ANO2: variants seen among roughly 807,000 people sequenced by gnomAD.
The protein encoded by ANO2 is anoctamin 2, also known as anoctamin-2.
A neutral mutation model predicts 124.2 loss-of-function variants in ANO2; 101 were observed. That is an observed-to-expected ratio of 0.81 (90% CI 0.69 to 0.96). ANO2 has a LOEUF of 0.96. ANO2 is among the 40% of genes least tolerant of loss of function. The pLI, the probability that ANO2 is intolerant of heterozygous loss-of-function variation, is 0.00. For missense variants in ANO2, 1,293 were observed against 1,274.5 expected (o/e 1.01, Z -0.22); for synonymous variants, 486 against 482.5 (o/e 1.01, Z -0.09).
At chr12:5,702,606 A>G (rs1298287112) in intron 14 of ANO2, among the ~76,000 whole-genome samples, 4 of 152,068 alleles carry the variant, frequency 2.6e-5, no homozygotes, top group African/African-American at 9.7e-5. Context: ...ACCGAAAACA[A>G]TGAAATTGAT....
At chr12:5,725,095 T>TCACA (rs752236358) in intron 14 of ANO2, among the ~76,000 whole-genome samples, 10 of 46,092 alleles carry the variant, frequency 2.2e-4, no homozygotes, top group East Asian at 9.2e-4. Context: ...CTTGTCTCCC[T>TCACA]CTCACACACA....
chr12:5,859,813 C>T (rs866401143), intron 3 of ANO2, among the ~76,000 whole-genome samples: 4 of 152,272 alleles, frequency 2.6e-5, no homozygotes, highest in African/African-American at 7.2e-5. Context: ...GAATTACAGA[C>T]GTGAGTCACC....
At chr12:5,566,418 G>A (rs1051652915) in intron 23 of ANO2, among the ~76,000 whole-genome samples, 3 of 152,140 alleles carry the variant, frequency 2.0e-5, no homozygotes, top group Non-Finnish European at 4.4e-5. Context: ...CCCCATCCCA[G>A]AATGATTCAT....
intron 5 of ANO2, among the ~76,000 whole-genome samples, chr12:5,830,878 A>G (rs989982559): frequency 6.6e-5 from 10 of 152,236 alleles, no homozygotes; most frequent in Non-Finnish European, 5.9e-5. Context: ...TTATATGATG[A>G]TAAGGTTCCA....
chr12:5,751,748 C>G (rs1438088692), intron 10 of ANO2, among the ~76,000 whole-genome samples: 6 of 152,176 alleles, frequency 3.9e-5, no homozygotes, highest in African/African-American at 1.4e-4. Context: ...AATGTGAGAT[C>G]TACCCTGTTA....
At chr12:5,596,256 C>T (rs1269974365) in intron 20 of ANO2, among the ~76,000 whole-genome samples, 3 of 152,054 alleles carry the variant, frequency 2.0e-5, no homozygotes, top group Non-Finnish European at 4.4e-5. Context: ...GGCAAGTGAA[C>T]TATGGCATGC....
At chr12:5,840,977 T>A (rs554172024) in intron 4 of ANO2, among the ~76,000 whole-genome samples, 1 of 151,222 alleles carries the variant, frequency 6.6e-6, no homozygotes, top group South Asian at 2.1e-4. Flanking sequence ...AGGAAAGGGG[T>A]GCAAGTCACC....
intron 14 of ANO2, among the ~76,000 whole-genome samples, chr12:5,676,058 T>C (rs1680033066): frequency 6.6e-6 from 1 of 152,190 alleles, no homozygotes; most frequent in African/African-American, 2.4e-5. Context: ...TTGTTCCCCT[T>C]CCTCATCTGG....
chr12:5,716,675 C>T (rs1199766654), intron 14 of ANO2, among the ~76,000 whole-genome samples: 1 of 152,150 alleles, frequency 6.6e-6, no homozygotes, highest in Non-Finnish European at 1.5e-5. Flanking sequence ...ATAGACCATG[C>T]ACCATTATAA....
chr12:5,657,061 G>A (rs1947195021), intron 14 of ANO2, among the ~76,000 whole-genome samples: 1 of 152,166 alleles, frequency 6.6e-6, no homozygotes, highest in Non-Finnish European at 1.5e-5. Context: ...GCCAGGACAG[G>A]GTTTCTGAAG....
chr12:5,581,353 G>A (rs1338558372), intron 20 of ANO2, among the ~76,000 whole-genome samples: 1 of 152,184 alleles, frequency 6.6e-6, no homozygotes, highest in Non-Finnish European at 1.5e-5. Flanking sequence ...CTGATGGGGA[G>A]GGAGAAGGGC....
intron 14 of ANO2, among the ~76,000 whole-genome samples, chr12:5,664,446 T>C (rs1425070360): frequency 6.6e-6 from 1 of 152,244 alleles, no homozygotes; most frequent in African/African-American, 2.4e-5. Flanking sequence ...GCTTACTATG[T>C]TACAGGCTCT....
Position 5,744,156 on chromosome 12 carries a change from C to G in ANO2, c.1351+1G>C. The G allele has an allele frequency of 6.2e-7, 1 of 1,613,258 alleles. No homozygotes were observed. Among genetic ancestry groups the G allele is most frequent in the Non-Finnish European group, 8.5e-7 (1 of 1,179,854 alleles). On this transcript the variant is annotated splice_donor_variant, in intron 12 of 24. Coordinates refer to ENST00000682330, the MANE Select transcript of ANO2 (RefSeq NM_001364791.2). LOFTEE classifies it high-confidence loss of function. The stretch of plus-strand genomic sequence containing the variant: ...AAGCAAGCCTGGTGATGGCCACATA[C>G]CCCACAGAGCCATGAAGATAGAGAA...
intron 10 of ANO2, among the ~76,000 whole-genome samples, chr12:5,771,531 G>C (rs983601421): frequency 4.6e-5 from 7 of 151,928 alleles, no homozygotes; most frequent in Non-Finnish European, 1.0e-4. Context: ...TGTAATCCCA[G>C]CACTTTGGGA....
rs1941675941 is a variant in ANO2 at position 5,921,163 on chromosome 12, A to G, written c.411T>C (p.Ala137=). Residue 137 remains alanine (A), a synonymous_variant, in exon 3 of 25, where the codon GCT becomes GCC. Transcript: ENST00000682330. ...SNGETGKEPH[A]GGPGDIELGP... is the part of the protein sequence containing the mutation. ...CCAGCTCAATGTCACCTGGGCCCCC[A>G]GCATGAGGCTCCTTGCCTGTCTCCC... 6.2e-7 allele frequency: 1 copy of G among 1,613,960 alleles called. No homozygotes were observed. Among genetic ancestry groups the G allele is most frequent in the South Asian group, 1.1e-5 (1 of 91,078 alleles).
intron 2 of ANO2, among the ~76,000 whole-genome samples, chr12:5,921,852 C>G (rs1029318514): frequency 6.6e-6 from 1 of 152,172 alleles, no homozygotes; most frequent in African/African-American, 2.4e-5. Context: ...CACACACCCC[C>G]TTCCACAGGC....
chr12:5,745,759 G>A (rs1376901244), intron 11 of ANO2, among the ~76,000 whole-genome samples: 1 of 152,108 alleles, frequency 6.6e-6, no homozygotes, highest in Non-Finnish European at 1.5e-5. Context: ...CCACTGACTC[G>A]CTGGCAAAGG....
intron 19 of ANO2, among the ~76,000 whole-genome samples, chr12:5,603,208 A>G (rs1013584324): frequency 6.6e-6 from 1 of 152,204 alleles, no homozygotes. Context: ...CCTAGAAATC[A>G]TCTCCAGGAA....
rs1316298395 is a variant in ANO2, at chr12:5,925,765, G to A, written c.23-2961C>T. Among the ~76,000 whole-genome samples the A allele has an allele frequency of 6.6e-6, 1 of 152,206 alleles. No individual in the cohort carries two copies. The highest frequency in any genetic ancestry group is 2.4e-5 in the African/African-American group (1 of 41,454). ...CGCTGCCTTGAACAACAGATCCTTGGGTGTTCATAACTGCAATGCCGTGAG... is the reference window on the plus strand; with the variant it reads ...CGCTGCCTTGAACAACAGATCCTTGAGTGTTCATAACTGCAATGCCGTGAG... On this transcript the variant is annotated intron_variant, in intron 1 of 24. Coordinates refer to ENST00000682330, the MANE Select transcript of ANO2 (RefSeq NM_001364791.2). The surrounding 1 kb of genome is among the most constrained non-coding windows in gnomAD (Gnocchi z 4.6).
Sources: gnomAD v4.1 joint callset for allele counts (sites outside exome capture counted in the v4.1 genomes callset) on GRCh38, gnomAD v4.1.1 for gene constraint, Gnocchi (gnomAD v3.1) non-coding constraint, MANE v1.5 for transcripts, NCBI Gene and HGNC (gene_info 2026-07-23, HGNC 2026-07-21) for gene names.